ZNF521: variants seen among roughly 807,000 people sequenced by gnomAD.
ZNF521 encodes zinc finger protein 521.
Under a neutral mutation model 105.5 loss-of-function variants are expected in ZNF521, and 14 were observed. The observed-to-expected ratio is 0.13, with a 90% CI of 0.09 to 0.21. The LOEUF is 0.21. ZNF521 is among the 10% of genes least tolerant of loss of function. The pLI is 1.00. For missense variants in ZNF521, 1,233 were observed against 1,629.7 expected (o/e 0.76, Z 4.19); for synonymous variants, 635 against 606.0 (o/e 1.05, Z -0.70).
At chr18:25,063,122 CTTA>C (rs1461990953) in intron 7 of ZNF521, among the ~76,000 whole-genome samples, 2 of 152,202 alleles carry the variant, frequency 1.3e-5, no homozygotes, top group Non-Finnish European at 2.9e-5. Flanking sequence ...ATCATCTCTT[CTTA>C]TTAAGATACG....
chr18:25,161,726 T>C (rs2035254570), intron 5 of ZNF521, among the ~76,000 whole-genome samples: 1 of 152,206 alleles, frequency 6.6e-6, no homozygotes, highest in Non-Finnish European at 1.5e-5. Flanking sequence ...TTGCTGGTCA[T>C]TTGAGTTAAT....
At position 25,310,688 on chromosome 18, in the gene ZNF521, C is replaced by T. The variant is rs1002048004; in HGVS notation, c.220+11320G>A. ...TTGGTCCTATTGGGTTCTTACTCAC[C>T]CTTCAGATTTTGAACATTTGCCCAT... On this transcript the variant is annotated intron_variant, in intron 3 of 7. Coordinates refer to ENST00000361524, the MANE Select transcript of ZNF521 (RefSeq NM_015461.3). Among the ~76,000 whole-genome samples the T allele has an allele frequency of 2.0e-5, 3 of 151,988 alleles. No individual in the cohort carries two copies. The South Asian group carries it at 6.2e-4, about 32-fold the overall frequency.
intron 3 of ZNF521, among the ~76,000 whole-genome samples, chr18:25,293,478 T>G (rs963207237): frequency 3.3e-5 from 5 of 152,048 alleles, no homozygotes; most frequent in Admixed American, 2.0e-4. Context: ...AGTACAATAT[T>G]TAAAACTAGC....
At chr18:25,271,039 C>G (rs189273495) in intron 3 of ZNF521, among the ~76,000 whole-genome samples, 1 of 152,270 alleles carries the variant, frequency 6.6e-6, no homozygotes, top group East Asian at 1.9e-4. Flanking sequence ...CGTCTCAGCC[C>G]AAAATCTCCT....
At chr18:25,093,172 T>C (rs773770668) in intron 5 of ZNF521, among the ~76,000 whole-genome samples, 1 of 152,118 alleles carries the variant, frequency 6.6e-6, no homozygotes, top group Non-Finnish European at 1.5e-5. Context: ...GCACTCATAA[T>C]TGGAAGAGCC....
chr18:25,249,589 G>A (rs36086687), intron 3 of ZNF521, among the ~76,000 whole-genome samples: 17,484 of 151,952 alleles, frequency 0.12, 1,079 homozygotes, highest in South Asian at 0.23. Flanking sequence ...AGCCTCCCAA[G>A]TAACTGGGAT....
At chr18:25,074,907 A>C (rs186291689) in intron 7 of ZNF521, among the ~76,000 whole-genome samples, 2 of 152,332 alleles carry the variant, frequency 1.3e-5, no homozygotes, top group African/African-American at 4.8e-5. Flanking sequence ...TGGTGAGAGT[A>C]ATCTATAACC....
intron 3 of ZNF521, among the ~76,000 whole-genome samples, chr18:25,265,523 C>T (rs80050116): frequency 0.015 from 2,308 of 152,240 alleles, 54 homozygotes; most frequent in East Asian, 0.083. Flanking sequence ...ACCTAAGGAG[C>T]GCTCTACATA....
At position 25,226,979 on chromosome 18, in the gene ZNF521, G is replaced by A. The variant is rs762582363; in HGVS notation, c.939C>T (p.Ser313=). 1.2e-6 allele frequency: 2 copies of A among 1,614,078 alleles called. No individual in the cohort carries two copies. Among genetic ancestry groups the A allele is most frequent in the South Asian group, 2.2e-5 (2 of 91,072 alleles). ...CTGTGTGGAAACTCTCAGAACAAAT[G>A]CTGCATGAGTTCTTCTTCTCCCCGC... is the stretch of plus-strand genomic sequence containing the variant. ...VHSGEKKNSC[S]ICSESFHTVE... The change falls in exon 4 of 8, where the codon AGC becomes AGT. Residue 313 remains serine, a synonymous_variant. Coordinates refer to ENST00000361524, the MANE Select transcript of ZNF521 (RefSeq NM_015461.3). The surrounding 1 kb of genome is among the most constrained non-coding windows in gnomAD (Gnocchi z 4.1).
chr18:25,333,133 A>C (rs527315995), intron 2 of ZNF521, among the ~76,000 whole-genome samples: 1 of 151,904 alleles, frequency 6.6e-6, no homozygotes, highest in South Asian at 2.1e-4. Context: ...CTATATGTAA[A>C]CATATTTTCA....
chr18:25,103,256 G>C (rs938126830), intron 5 of ZNF521, among the ~76,000 whole-genome samples: 1 of 152,148 alleles, frequency 6.6e-6, no homozygotes, highest in African/African-American at 2.4e-5. Flanking sequence ...CTGTGATGGA[G>C]TGGCTGAACG....
At chr18:25,344,106 C>A (rs1346224504) in intron 2 of ZNF521, among the ~76,000 whole-genome samples, 2 of 151,206 alleles carry the variant, frequency 1.3e-5, no homozygotes, top group Non-Finnish European at 2.9e-5. Context: ...GAATTTCTTT[C>A]ATCTCTAATA....
At chr18:25,250,475 C>T (rs1908038170) in intron 3 of ZNF521, among the ~76,000 whole-genome samples, 1 of 152,172 alleles carries the variant, frequency 6.6e-6, no homozygotes, top group South Asian at 2.1e-4. Flanking sequence ...TTAAACTGGT[C>T]AGAATTTGTT....
At chr18:25,303,329 G>A (rs1315359901) in intron 3 of ZNF521, among the ~76,000 whole-genome samples, 1 of 134,744 alleles carries the variant, frequency 7.4e-6, no homozygotes, top group African/African-American at 2.8e-5. Context: ...ACGGAGTCTC[G>A]CTCTGTCACC....
intron 3 of ZNF521, among the ~76,000 whole-genome samples, chr18:25,241,542 G>C (rs1226638954): frequency 6.6e-6 from 1 of 151,820 alleles, no homozygotes; most frequent in Non-Finnish European, 1.5e-5. Flanking sequence ...GGTTGTTGAT[G>C]AATACAAATG....
At position 25,351,913 on chromosome 18, in the gene ZNF521, A is replaced by AGCG; in HGVS notation, c.-2+89_-2+91dup. The AGCG allele has an allele frequency of 1.4e-5, 4 of 282,452 alleles. 1 individual carries two copies. The highest frequency in any genetic ancestry group is 1.2e-4 in the South Asian group (4 of 32,538). The allele number at this position is 282,452 out of a possible 1,614,324, so 17.5% of individuals were successfully genotyped here. ...CAGCAGCGGCGGCAGCGGCGGCGGCAGCGGCGGCGAGAGCAGGAGGAGGAG... is the reference window on the plus strand; with the variant it reads ...CAGCAGCGGCGGCAGCGGCGGCGGCAGCGGCGGCGGCGAGAGCAGGAGGAGGAG... On this transcript the variant is annotated intron_variant, in intron 1 of 7. Transcript: ENST00000361524.
At chr18:25,079,942 T>A (rs1336932171) in intron 7 of ZNF521, among the ~76,000 whole-genome samples, 1 of 152,248 alleles carries the variant, frequency 6.6e-6, no homozygotes, top group African/African-American at 2.4e-5. Flanking sequence ...TTAGCAGATG[T>A]GCCCAGTGGT....
chr18:25,321,856 C>T lies in ZNF521; in HGVS notation c.220+152G>A, dbSNP rs45589334. The T allele has an allele frequency of 7.0e-6, 5 of 718,880 alleles. No individual in the cohort carries two copies. The East Asian group carries it at 1.4e-4, about 20-fold the overall frequency. The allele number at this position is 718,880 out of a possible 1,614,324, so 44.5% of individuals were successfully genotyped here. A position where few individuals can be genotyped will look rare whatever the true frequency, so the allele number is the denominator to read the frequency against. ...CACTGAGGTTACCCCAAACAACCATCTCAGAATTCTTTCAAAAGCACCTCT... is the reference window on the plus strand; with the variant it reads ...CACTGAGGTTACCCCAAACAACCATTTCAGAATTCTTTCAAAAGCACCTCT... On this transcript the variant is annotated intron_variant, in intron 3 of 7. Coordinates refer to ENST00000361524, the MANE Select transcript of ZNF521 (RefSeq NM_015461.3).
intron 4 of ZNF521, among the ~76,000 whole-genome samples, chr18:25,216,584 G>T (rs570249954): frequency 6.6e-6 from 1 of 152,254 alleles, no homozygotes; most frequent in Admixed American, 6.5e-5. Flanking sequence ...CTTGATACAG[G>T]GTCTCACTCT....
Sources: gnomAD v4.1 joint callset for allele counts (sites outside exome capture counted in the v4.1 genomes callset) on GRCh38, gnomAD v4.1.1 for gene constraint, Gnocchi (gnomAD v3.1) non-coding constraint, MANE v1.5 for transcripts, NCBI Gene and HGNC (gene_info 2026-07-23, HGNC 2026-07-21) for gene names.